Variants in AZIN1 observed in about 807,000 individuals in gnomAD.
The protein encoded by AZIN1 is antizyme inhibitor 1, also known as ornithine decarboxylase antizyme inhibitor.
In AZIN1, 12 loss-of-function variants were observed where a neutral mutation model predicts 47.4. That is an observed-to-expected ratio of 0.25 (90% CI 0.16 to 0.41). The LOEUF is 0.41. Ranked by LOEUF, AZIN1 falls within the 10% of genes least tolerant of loss-of-function variation. The pLI is 1.00. For missense variants in AZIN1, 410 were observed against 532.4 expected (o/e 0.77, Z 2.26); for synonymous variants, 155 against 176.3 (o/e 0.88, Z 0.96).
chr8:102,848,277 G>A (rs181156379), intron 2 of AZIN1, among the ~76,000 whole-genome samples: 30 of 133,720 alleles, frequency 2.2e-4, no homozygotes, highest in Non-Finnish European at 3.6e-4. Context: ...ACCCATGCCT[G>A]TGAATGCAAA....
chr8:102,836,176 A>G (rs1364869227), intron 6 of AZIN1, 80 bp downstream of exon 6: 2 of 1,412,122 alleles, frequency 1.4e-6, no homozygotes, highest in Non-Finnish European at 1.9e-6. Flanking sequence ...CATGCAAATA[A>G]AGTCTTAAAT....
intron 2 of AZIN1, among the ~76,000 whole-genome samples, chr8:102,847,461 A>T (rs1812639993): frequency 6.6e-6 from 1 of 152,152 alleles, no homozygotes. Flanking sequence ...AGGTACTCAG[A>T]AACAAATGGA....
intron 2 of AZIN1, among the ~76,000 whole-genome samples, chr8:102,852,323 C>T (rs1383410276): frequency 1.3e-5 from 2 of 152,188 alleles, no homozygotes; most frequent in Admixed American, 1.3e-4. Flanking sequence ...CGCCTGTAAT[C>T]CCAGCACTTT....
rs1221786023 is a variant in AZIN1, at chr8:102,827,154, T to C, written c.*1413A>G. The stretch of plus-strand genomic sequence containing the variant: ...CCATTGGCACCAAAGTGAAGTCACA[T>C]TTCCTCTTGGGAGACAGAAATTCCA... On this transcript the variant is annotated 3_prime_UTR_variant, in exon 12 of 12. Coordinates refer to ENST00000337198, the MANE Select transcript of AZIN1 (RefSeq NM_148174.4). 1.3e-5 allele frequency: 2 copies of C among 152,604 alleles called. No homozygotes were observed. The highest frequency in any genetic ancestry group is 4.8e-5 in the African/African-American group (2 of 41,448). 9.5% of individuals were successfully genotyped at this position (152,604 alleles called of 1,614,324 possible).
intron 2 of AZIN1, among the ~76,000 whole-genome samples, chr8:102,848,061 CTT>C (rs2131254377): frequency 1.3e-5 from 2 of 152,282 alleles, no homozygotes; most frequent in African/African-American, 4.8e-5. Flanking sequence ...TACACAGATA[CTT>C]ACCACTGTGT....
chr8:102,832,643 AT>A lies in AZIN1; in HGVS notation c.904+412del, dbSNP rs34290831. The stretch of plus-strand genomic sequence containing the variant: ...TACGGAATGGGACCTTGGCTTTAAG[AT>A]TTTTTTTTTTTTTGAGACGGAGTCT... On this transcript the variant is annotated intron_variant, in intron 9 of 11. Transcript: ENST00000337198. Among the ~76,000 whole-genome samples, 422 of 146,794 alleles carry A rather than the reference AT, an allele frequency of 2.9e-3. 2 individuals are homozygous for A. Among genetic ancestry groups the A allele is most frequent in the African/African-American group, 6.4e-3 (257 of 40,218 alleles).
chr8:102,836,672 CA>C (rs1811843960), intron 5 of AZIN1: 1 of 326,302 alleles, frequency 3.1e-6, no homozygotes, highest in Admixed American at 4.7e-5. Flanking sequence ...TGAAAGACGA[CA>C]TTACTTTCAA....
chr8:102,847,969 A>AC (rs1410632416), intron 2 of AZIN1, among the ~76,000 whole-genome samples: 1 of 152,156 alleles, frequency 6.6e-6, no homozygotes, highest in African/African-American at 2.4e-5. Context: ...GTTGCATAAC[A>AC]ACATTTTTAA....
At chr8:102,834,564 G>T in intron 7 of AZIN1, 102 bp downstream of exon 7, 3 of 857,574 alleles carry the variant, frequency 3.5e-6, no homozygotes, top group South Asian at 3.3e-5. Flanking sequence ...GTGTCACGTT[G>T]AATGTAGTCA....
At chr8:102,845,371 T>C (rs1196007512) in intron 2 of AZIN1, among the ~76,000 whole-genome samples, 1 of 152,168 alleles carries the variant, frequency 6.6e-6, no homozygotes, top group Admixed American at 6.5e-5. Flanking sequence ...GTTCAACTCA[T>C]CAGATCTTTC....
At chr8:102,838,636 G>T in intron 5 of AZIN1, 108 bp downstream of exon 5, 2 of 827,854 alleles carry the variant, frequency 2.4e-6, no homozygotes, top group Non-Finnish European at 1.8e-6. Context: ...TTATAATTAT[G>T]ATACACATCA....
rs1811222600 is a variant in AZIN1, at chr8:102,828,411, A to G, written c.*156T>C. 1 of 500,976 alleles carries G rather than the reference A, an allele frequency of 2.0e-6. No individual in the cohort carries two copies. Among genetic ancestry groups the G allele is most frequent in the African/African-American group, 2.0e-5 (1 of 51,108 alleles). 31.0% of individuals were successfully genotyped at this position (500,976 alleles called of 1,614,324 possible). On this transcript the variant is annotated 3_prime_UTR_variant, in exon 12 of 12. Transcript: ENST00000337198. ...TTATCCCCAATGAATTATAGATGAA[A>G]GCTGATTTTGTCTGGTCCCAAATAG...
At chr8:102,853,155 T>C (rs1179242920) in intron 2 of AZIN1, among the ~76,000 whole-genome samples, 2 of 152,258 alleles carry the variant, frequency 1.3e-5, no homozygotes, top group East Asian at 3.8e-4. Flanking sequence ...TCAGTATTAA[T>C]TTTCTCAGCT....
chr8:102,848,323 C>CA (rs60663839), intron 2 of AZIN1, among the ~76,000 whole-genome samples: 12,506 of 90,806 alleles, frequency 0.14, 682 homozygotes, highest in Non-Finnish European at 0.18. Flanking sequence ...ACTAAAAGGC[C>CA]AAAAAAAAAA....
At chr8:102,861,706 G>A (rs1187555932) in intron 1 of AZIN1, among the ~76,000 whole-genome samples, 1 of 151,878 alleles carries the variant, frequency 6.6e-6, no homozygotes, top group Non-Finnish European at 1.5e-5. Flanking sequence ...CATTCATGTG[G>A]AAAGTCTGGA....
chr8:102,844,527 G>C (rs1207193873), intron 2 of AZIN1, among the ~76,000 whole-genome samples: 1 of 151,980 alleles, frequency 6.6e-6, no homozygotes, highest in African/African-American at 2.4e-5. Context: ...GAAATCACTG[G>C]ACTAGGAGTC....
At position 102,834,765 on chromosome 8, in the gene AZIN1, C is replaced by T. The variant is rs1168503573; in HGVS notation, c.585-18G>A. Reference sequence around the variant, plus strand: ...CATGAAATCTGAAACACATAGAATACTAAATTTAAAGGAGCAGAAAGTTGT... The same window carrying T: ...CATGAAATCTGAAACACATAGAATATTAAATTTAAAGGAGCAGAAAGTTGT... On this transcript the variant is annotated intron_variant, in intron 6 of 11. Transcript: ENST00000337198. The T allele has an allele frequency of 1.3e-6, 2 of 1,582,448 alleles. No homozygotes were observed. Among genetic ancestry groups the T allele is most frequent in the Non-Finnish European group, 1.7e-6 (2 of 1,155,654 alleles).
intron 6 of AZIN1, 87 bp downstream of exon 6, chr8:102,836,169 G>C: frequency 7.3e-7 from 1 of 1,374,626 alleles, no homozygotes; most frequent in Non-Finnish European, 1.0e-6. Flanking sequence ...TAGATTTCAT[G>C]CAAATAAAGT....
Position 102,863,789 on chromosome 8 carries a change from C to T in AZIN1, c.-234+18G>A, listed in dbSNP as rs1326852502. The T allele has an allele frequency of 6.5e-6, 1 of 152,716 alleles. No homozygotes were observed. The highest frequency in any genetic ancestry group is 1.5e-5 in the Non-Finnish European group (1 of 68,030). The allele number at this position is 152,716 out of a possible 1,614,324, so 9.5% of individuals were successfully genotyped here. A position where few individuals can be genotyped will look rare whatever the true frequency, so the allele number is the denominator to read the frequency against. On this transcript the variant is annotated intron_variant, in intron 1 of 11. Transcript: ENST00000337198. ...CCCGCGTCCTGGCCCCTCCCGCGCT[C>T]CTCGGCTCGGTACTCACGTGAGATA...
Sources: gnomAD v4.1 joint callset for allele counts (sites outside exome capture counted in the v4.1 genomes callset) on GRCh38, gnomAD v4.1.1 for gene constraint, MANE v1.5 for transcripts, NCBI Gene and HGNC (gene_info 2026-07-23, HGNC 2026-07-21) for gene names.